The following ADAMTSL1 variants were observed in gnomAD, a reference collection of about 807,000 sequenced individuals.
ADAMTSL1 encodes the protein ADAMTS-like protein 1.
A neutral mutation model predicts 201.8 loss-of-function variants in ADAMTSL1; 126 were observed. That is an observed-to-expected ratio of 0.62 (90% CI 0.54 to 0.72). ADAMTSL1 has a LOEUF of 0.72. Among genes scored for constraint, ADAMTSL1 ranks in the 30% least tolerant of loss-of-function variants. The pLI, the probability that ADAMTSL1 is intolerant of heterozygous loss-of-function variation, is 0.00. For missense variants in ADAMTSL1, 2,679 were observed against 2,277.8 expected, an observed-to-expected ratio of 1.18 and a Z score of -3.59; for synonymous variants, 1,121 against 903.4, an observed-to-expected ratio of 1.24 and a Z score of -4.32.
intron 1 of ADAMTSL1, among the ~76,000 whole-genome samples, chr9:17,975,774 A>G (rs530490676): frequency 7.8e-4 from 119 of 152,050 alleles, no homozygotes; most frequent in African/African-American, 2.7e-3. Flanking sequence ...TGCTTTTGGT[A>G]TTGTTACAAA....
At chr9:18,007,280 C>G (rs1210562372) in intron 1 of ADAMTSL1, among the ~76,000 whole-genome samples, 1 of 152,018 alleles carries the variant, frequency 6.6e-6, no homozygotes, top group African/African-American at 2.4e-5. Context: ...CTTGATGTTT[C>G]TCTCTGATAA....
At chr9:18,772,293 TGTG>T (rs953377653) in intron 17 of ADAMTSL1, among the ~76,000 whole-genome samples, 2 of 152,168 alleles carry the variant, frequency 1.3e-5, no homozygotes, top group East Asian at 3.9e-4. Flanking sequence ...GGAAGGGACT[TGTG>T]TGTGTTATAA....
At chr9:18,491,343 C>A (rs1822262554) in intron 1 of ADAMTSL1, among the ~76,000 whole-genome samples, 1 of 152,182 alleles carries the variant, frequency 6.6e-6, no homozygotes, top group South Asian at 2.1e-4. Flanking sequence ...TAACTTTTCA[C>A]ATTGCTAAGC....
In ADAMTSL1 at chr9:18,501,015, G is replaced by A. The variant is rs544872734; in HGVS notation, c.64-3814G>A. 4.6e-5 allele frequency among the ~76,000 whole-genome samples: 7 copies of A among 152,200 alleles called. No individual in the cohort carries two copies. The South Asian group carries it at 8.3e-4, about 18-fold the overall frequency. ...AATTAAAATATTACATTTATCTGAC[G>A]AAAATCATTGAAAAACATTGGCTGG... On this transcript the variant is annotated intron_variant, in intron 1 of 28. Transcript: ENST00000380548.
At position 18,371,856 on chromosome 9, in the gene ADAMTSL1, G is replaced by A. The variant is rs558265606; in HGVS notation, c.208-132973G>A. Among the ~76,000 whole-genome samples, 15 of 152,248 alleles carry A rather than the reference G, an allele frequency of 9.9e-5. No homozygotes were observed. In the South Asian group the frequency reaches 1.5e-3, roughly 15 times the overall value. ...GGTAGATATGTTACATAAATAAAAC[G>A]AAGTTTCTTCCCTACAAGGGCTCTG... On this transcript the variant is annotated intron_variant, in intron 2 of 29. Transcript: ENST00000680146.
chr9:18,636,151 T>C (rs1313478162), intron 6 of ADAMTSL1, 134 bp downstream of exon 6: 2 of 735,764 alleles, frequency 2.7e-6, no homozygotes, highest in Non-Finnish European at 4.2e-6. Flanking sequence ...TTTGAGTACC[T>C]CTGTTTATCT....
At chr9:18,302,001 A>C (rs1319087858) in intron 2 of ADAMTSL1, among the ~76,000 whole-genome samples, 5 of 152,186 alleles carry the variant, frequency 3.3e-5, no homozygotes, top group Non-Finnish European at 7.3e-5. Flanking sequence ...AGTATGTCCA[A>C]AGAGAAAGTC....
intron 1 of ADAMTSL1, among the ~76,000 whole-genome samples, chr9:18,021,400 T>A (rs1820475984): frequency 6.6e-6 from 1 of 152,172 alleles, no homozygotes; most frequent in Admixed American, 6.5e-5. Context: ...TTATTTTTCC[T>A]CTGTGGACCC....
intron 2 of ADAMTSL1, among the ~76,000 whole-genome samples, chr9:18,180,455 C>T (rs950028652): frequency 4.0e-5 from 6 of 150,486 alleles, no homozygotes; most frequent in African/African-American, 9.8e-5. Context: ...ATGGCGTGAA[C>T]CCGGGAGGCG....
chr9:18,539,036 C>G (rs906672387), intron 3 of ADAMTSL1, among the ~76,000 whole-genome samples: 3 of 151,056 alleles, frequency 2.0e-5, no homozygotes, highest in African/African-American at 5.0e-5. Flanking sequence ...ACGCTTGGCT[C>G]TTTCCAGCCA....
At chr9:18,131,924 A>C (rs1319512893) in intron 1 of ADAMTSL1, among the ~76,000 whole-genome samples, 2 of 124,204 alleles carry the variant, frequency 1.6e-5, no homozygotes, top group Admixed American at 7.9e-5. Flanking sequence ...CACTTCCTTC[A>C]TAGTTCAGGA....
chr9:18,541,076 A>C (rs1023433689), intron 3 of ADAMTSL1, among the ~76,000 whole-genome samples: 4 of 152,222 alleles, frequency 2.6e-5, no homozygotes, highest in African/African-American at 9.6e-5. Flanking sequence ...CTCTCATGTT[A>C]AAGTCAGATG....
chr9:18,057,500 A>T (rs1291939021), intron 1 of ADAMTSL1, among the ~76,000 whole-genome samples: 1 of 152,190 alleles, frequency 6.6e-6, no homozygotes, highest in Non-Finnish European at 1.5e-5. Context: ...GGGACTTGCA[A>T]ATTTCCTTAC....
chr9:18,714,421 C>G (rs1176916753), intron 14 of ADAMTSL1, among the ~76,000 whole-genome samples: 4 of 152,106 alleles, frequency 2.6e-5, no homozygotes, highest in East Asian at 1.9e-4. Context: ...GATATCACCA[C>G]CGATCCCACA....
chr9:18,583,794 G>C (rs982036398), intron 4 of ADAMTSL1, among the ~76,000 whole-genome samples: 2 of 152,286 alleles, frequency 1.3e-5, no homozygotes, highest in South Asian at 4.1e-4. Flanking sequence ...ATCACTTTGG[G>C]GCTTTAAGAT....
At chr9:18,029,057 CT>C (rs1820819139) in intron 1 of ADAMTSL1, among the ~76,000 whole-genome samples, 1 of 152,062 alleles carries the variant, frequency 6.6e-6, no homozygotes, top group Non-Finnish European at 1.5e-5. Context: ...ATTTGGCTCT[CT>C]GTTTGTCTGT....
chr9:17,960,821 T>G (rs1817720467), intron 1 of ADAMTSL1, among the ~76,000 whole-genome samples: 1 of 152,186 alleles, frequency 6.6e-6, no homozygotes, highest in South Asian at 2.1e-4. Flanking sequence ...CCATTCCACA[T>G]CAGCAGCTTG....
At chr9:18,218,498 T>A (rs898509182) in intron 2 of ADAMTSL1, among the ~76,000 whole-genome samples, 1 of 152,202 alleles carries the variant, frequency 6.6e-6, no homozygotes, top group Non-Finnish European at 1.5e-5. Context: ...AAACAAAAAG[T>A]AAACTGATAA....
intron 3 of ADAMTSL1, among the ~76,000 whole-genome samples, chr9:18,538,547 A>G (rs1285127597): frequency 6.6e-6 from 1 of 152,108 alleles, no homozygotes; most frequent in Non-Finnish European, 1.5e-5. Context: ...TGTCTATGCT[A>G]GTTTAGTAAC....
Sources: allele counts gnomAD v4.1 joint callset (sites outside exome capture counted in the v4.1 genomes callset), GRCh38; gene constraint gnomAD v4.1.1; transcripts MANE v1.5; gene names NCBI Gene and HGNC (gene_info 2026-07-23, HGNC 2026-07-21).